Variants in BCL6B observed in about 807,000 individuals in gnomAD.
BCL6B encodes BCL6B transcription repressor.
Under a neutral mutation model 44.6 loss-of-function variants are expected in BCL6B, and 28 were observed. That is an observed-to-expected ratio of 0.63 (90% CI 0.47 to 0.86). BCL6B has a LOEUF of 0.86. Ranked by LOEUF, BCL6B falls within the 40% of genes least tolerant of loss-of-function variation. The probability of loss-of-function intolerance (pLI) is 0.00; values close to 1 mark genes in which losing one functional copy is unlikely to be tolerated. For missense variants in BCL6B, 626 were observed against 652.3 expected (o/e 0.96, Z 0.44); for synonymous variants, 268 against 263.6 (o/e 1.02, Z -0.16).
rs562363974 is a variant in BCL6B at position 7,028,283 on chromosome 17, C to T, written c.*664C>T. On this transcript the variant is annotated 3_prime_UTR_variant, in exon 9 of 9. Coordinates refer to ENST00000293805, the MANE Select transcript of BCL6B (RefSeq NM_181844.4). ...GTTCTAGGGCAGCTCTGGGAACATG[C>T]GGGATTGTGGAATTGGGTCAGGAAC... The T allele has an allele frequency of 2.0e-4, 202 of 985,384 alleles. No individual in the cohort carries two copies. The South Asian group carries it at 4.6e-3, about 22-fold the overall frequency. The allele number at this position is 985,384 out of a possible 1,614,324, so 61.0% of individuals were successfully genotyped here. A position where few individuals can be genotyped will look rare whatever the true frequency, so the allele number is the denominator to read the frequency against.
Position 7,026,313 on chromosome 17 carries a change from C to A in BCL6B, c.890-144C>A. ...CTCATCTTACTATCTTCTTACTTGG[C>A]CTTGAGCAAGTCAAACCAGCCCCAG... is the stretch of plus-strand genomic sequence containing the variant. On this transcript the variant is annotated intron_variant, in intron 5 of 8. Transcript: ENST00000293805. 7 of 1,056,620 alleles carry A rather than the reference C, an allele frequency of 6.6e-6. No individual in the cohort carries two copies. The Middle Eastern group carries it at 7.5e-4, about 112-fold the overall frequency. 65.5% of individuals were successfully genotyped at this position (1,056,620 alleles called of 1,614,324 possible).
chr17:7,023,791 C>T lies in BCL6B; in HGVS notation c.120C>T (p.Val40=). 6.2e-7 allele frequency: 1 copy of T among 1,613,324 alleles called. No homozygotes were observed. The highest frequency in any genetic ancestry group is 8.5e-7 in the Non-Finnish European group (1 of 1,180,006). The part of the protein sequence containing the change: ...ELRLRGILTD[V]TLLVGGQPLR... Reference sequence around the variant, plus strand: ...GCCTGCGCGGGATCCTCACTGACGTCACGCTGCTGGTTGGCGGGCAACCCC... The same window carrying T: ...GCCTGCGCGGGATCCTCACTGACGTTACGCTGCTGGTTGGCGGGCAACCCC... Residue 40 remains valine, a synonymous_variant, in exon 2 of 9, where the codon GTC becomes GTT. Transcript: ENST00000293805.
intron 8 of BCL6B, 139 bp downstream of exon 8, chr17:7,027,226 G>A (rs1485539449): frequency 8.1e-7 from 1 of 1,237,834 alleles, no homozygotes; most frequent in East Asian, 2.5e-5. Context: ...AGCAAATAAG[G>A]GGTGGAGGCT....
Position 7,025,129 on chromosome 17 carries a change from C to G in BCL6B, c.818C>G (p.Thr273Ser). The stretch of plus-strand genomic sequence containing the variant: ...TTCAAATGTGGGGCTCCAGCCAGTA[C>G]CCCCTACCTCCTCACATCCCAGGCT... ...VQFKCGAPASTPYLLTSQAQD... is the reference protein window; with the variant it reads ...VQFKCGAPASSPYLLTSQAQD... The change falls in exon 5 of 9, where the codon ACC becomes AGC. Residue 273 changes from threonine to serine, a missense_variant. By Grantham distance (58) the Thr-to-Ser change is moderately conservative. Transcript: ENST00000293805. 6.2e-7 allele frequency: 1 copy of G among 1,614,076 alleles called. No individual in the cohort carries two copies. Among genetic ancestry groups the G allele is most frequent in the Non-Finnish European group, 8.5e-7 (1 of 1,179,964 alleles).
At position 7,024,986 on chromosome 17, in the gene BCL6B, G is replaced by A. The variant is rs1309666483; in HGVS notation, c.765-90G>A. On this transcript the variant is annotated intron_variant, in intron 4 of 8. Transcript: ENST00000293805. The surrounding 1 kb of genome is among the most constrained non-coding windows in gnomAD (Gnocchi z 6.6). ...CAACAATATTGGCTCACCCTGAGAG[G>A]GCAGGCCTTTGGCTCCAAATTTCCC... 5.8e-6 allele frequency: 9 copies of A among 1,549,026 alleles called. No individual in the cohort carries two copies. The highest frequency in any genetic ancestry group is 7.9e-6 in the Non-Finnish European group (9 of 1,145,790).
Position 7,026,564 on chromosome 17 carries a change from T to G in BCL6B, c.997T>G (p.Cys333Gly). The G allele has an allele frequency of 6.2e-7, 1 of 1,614,214 alleles. No individual in the cohort carries two copies. Among genetic ancestry groups the G allele is most frequent in the Admixed American group, 1.7e-5 (1 of 60,022 alleles). The change falls in exon 6 of 9, where the codon TGC (cysteine) becomes GGC (glycine). Residue 333 changes from cysteine (C) to glycine (G), a missense_variant. By Grantham distance (159) the Cys-to-Gly change is radical (BLOSUM62 -3). Transcript: ENST00000293805. ...DEDKPYKCQLCRSSFRYKGNL... is the reference protein window; with the variant it reads ...DEDKPYKCQLGRSSFRYKGNL... The stretch of plus-strand genomic sequence containing the variant: ...AGACAAACCCTATAAGTGTCAGCTG[T>G]GCCGGTCTTCGTTCCGCTACAAGGG...
chr17:7,025,771 A>T (rs1227712679), intron 5 of BCL6B, among the ~76,000 whole-genome samples: 4 of 138,218 alleles, frequency 2.9e-5, no homozygotes, highest in Non-Finnish European at 6.2e-5. Flanking sequence ...CGGGAGGTGG[A>T]GATTGCAGTG....
rs528908483 is a variant in BCL6B, at chr17:7,026,363, C to G, written c.890-94C>G. ...GAAGTCTTAACAATAAATTGGGAAA[C>G]AGAAAGCCTGCTACTGTGTGGTTTG... On this transcript the variant is annotated intron_variant, in intron 5 of 8. Coordinates refer to ENST00000293805, the MANE Select transcript of BCL6B (RefSeq NM_181844.4). 6.9e-4 allele frequency: 1,021 copies of G among 1,474,060 alleles called. 3 individuals carry two copies. The highest frequency in any genetic ancestry group is 7.9e-4 in the Non-Finnish European group (861 of 1,088,824). 91.3% of individuals were successfully genotyped at this position (1,474,060 alleles called of 1,614,324 possible).
rs202178963 is a variant in BCL6B at position 7,024,131 on chromosome 17, C to G, written c.228C>G (p.Asp76Glu). The change falls in exon 3 of 9, where the codon GAC (aspartate) becomes GAG (glutamate). Residue 76 changes from aspartate to glutamate, a missense_variant. Transcript: ENST00000293805. This position sits in a 1 kb window ranked among gnomAD's most constrained non-coding sequence, Gnocchi z 6.6. Reference sequence around the variant, plus strand: ...GGGGCCGTGCGGGAGTCGGGGTGGACGTGCTCTCTCTGCCCGGGGGTCCCG... The same window carrying G: ...GGGGCCGTGCGGGAGTCGGGGTGGAGGTGCTCTCTCTGCCCGGGGGTCCCG... ...IFRGRAGVGV[D>E]VLSLPGGPEA... 1.7e-4 allele frequency: 267 copies of G among 1,614,010 alleles called. 1 individual carries two copies. In the African/African-American group the frequency reaches 3.3e-3, roughly 20 times the overall value.
At chr17:7,026,892 C>A (rs753783380) in intron 7 of BCL6B, 57 bp downstream of exon 7, 236 of 1,610,686 alleles carry the variant, frequency 1.5e-4, no homozygotes, top group Non-Finnish European at 1.9e-4. Context: ...GTGGGGTGGG[C>A]CAATAGGGAG....
chr17:7,024,855 AGGTGGTG>A lies in BCL6B; in HGVS notation c.764+96_764+102del. On this transcript the variant is annotated intron_variant, in intron 4 of 8. Coordinates refer to ENST00000293805, the MANE Select transcript of BCL6B (RefSeq NM_181844.4). The surrounding 1 kb of genome is among the most constrained non-coding windows in gnomAD (Gnocchi z 6.6). ...CTTGATGGTCAGGAGGAAGGGAGAT[AGGTGGTG>A]GGTTTCAGAGACACTAGCTCACCTT... 6.7e-7 allele frequency: 1 copy of A among 1,488,302 alleles called. No homozygotes were observed. The highest frequency in any genetic ancestry group is 8.9e-7 in the Non-Finnish European group (1 of 1,121,386). The allele number at this position is 1,488,302 out of a possible 1,614,324, so 92.2% of individuals were successfully genotyped here.
In BCL6B at chr17:7,028,497, T is replaced by TGTGGGTGTGG; in HGVS notation, c.*879_*880insTGGGTGTGGG. 6 of 985,334 alleles carry TGTGGGTGTGG rather than the reference T, an allele frequency of 6.1e-6. No individual in the cohort carries two copies. Among genetic ancestry groups the TGTGGGTGTGG allele is most frequent in the Non-Finnish European group, 7.2e-6 (6 of 829,792 alleles). The allele number at this position is 985,334 out of a possible 1,614,324, so 61.0% of individuals were successfully genotyped here. The stretch of plus-strand genomic sequence containing the variant: ...ATTCCGTATCACTCCAAGTGGAGGC[T>TGTGGGTGTGG]GGCAGGTTTTTCTGCAAGATGGTCC... On this transcript the variant is annotated 3_prime_UTR_variant, in exon 9 of 9. Transcript: ENST00000293805.
rs759553960 is a variant in BCL6B at position 7,025,111 on chromosome 17, G to A, written c.800G>A (p.Cys267Tyr). 6 of 1,613,918 alleles carry A rather than the reference G, an allele frequency of 3.7e-6. No individual in the cohort carries two copies. In the South Asian group the frequency reaches 6.6e-5, roughly 18 times the overall value. ...SPTAATVQFK[C>Y]GAPASTPYLL... is the part of the protein sequence containing the mutation. ...ACTGCTGCCACTGTGCAGTTCAAAT[G>A]TGGGGCTCCAGCCAGTACCCCCTAC... is the stretch of plus-strand genomic sequence containing the variant. Residue 267 changes from cysteine (C) to tyrosine (Y), a missense_variant, in exon 5 of 9, where the codon TGT becomes TAT. Cys to Tyr is a radical substitution (Grantham distance 194). Coordinates refer to ENST00000293805, the MANE Select transcript of BCL6B (RefSeq NM_181844.4).
chr17:7,027,080 C>G lies in BCL6B; in HGVS notation c.1316C>G (p.Pro439Arg). 6.2e-7 allele frequency: 1 copy of G among 1,614,006 alleles called. No individual in the cohort carries two copies. The highest frequency in any genetic ancestry group is 8.5e-7 in the Non-Finnish European group (1 of 1,180,030). Residue 439 changes from proline to arginine, a missense_variant, in exon 8 of 9, where the codon CCT (proline) becomes CGT (arginine). By Grantham distance (103) the Pro-to-Arg change is moderately radical (BLOSUM62 -2). Transcript: ENST00000293805. ...GTTCGCATCCACACCGGAGAGAAGC[C>G]TTACCACGTGGGTACCCAACCTGGC... is the stretch of plus-strand genomic sequence containing the variant. ...SHVRIHTGEK[P>R]YHCDPCGLHF...
chr17:7,028,635 G>A lies in BCL6B; in HGVS notation c.*1016G>A. Reference sequence around the variant, plus strand: ...TGGAGTCCATCATCCTCCCACGGGGGCCTGTTCTTAGCACTGAGTTGATCG... The same window carrying A: ...TGGAGTCCATCATCCTCCCACGGGGACCTGTTCTTAGCACTGAGTTGATCG... On this transcript the variant is annotated 3_prime_UTR_variant, in exon 9 of 9. Transcript: ENST00000293805. The A allele has an allele frequency of 4.8e-5, 47 of 985,422 alleles. No homozygotes were observed. Among genetic ancestry groups the A allele is most frequent in the Non-Finnish European group, 5.5e-5 (46 of 829,936 alleles). The allele number at this position is 985,422 out of a possible 1,614,324, so 61.0% of individuals were successfully genotyped here.
intron 2 of BCL6B, 40 bp downstream of exon 2, chr17:7,023,890 G>A (rs760805157): frequency 7.5e-6 from 12 of 1,600,836 alleles, no homozygotes; most frequent in African/African-American, 4.0e-5. Flanking sequence ...AAATGGGAAA[G>A]GGGTGGGACC....
intron 5 of BCL6B, among the ~76,000 whole-genome samples, chr17:7,025,484 C>A (rs890392531): frequency 1.3e-5 from 2 of 152,144 alleles, no homozygotes; most frequent in Non-Finnish European, 2.9e-5. Flanking sequence ...GAATGGTCAG[C>A]CCAAAGCTTG....
At chr17:7,027,178 T>C in intron 8 of BCL6B, 91 bp downstream of exon 8, 1 of 1,509,770 alleles carries the variant, frequency 6.6e-7, no homozygotes, top group Non-Finnish European at 9.0e-7. Flanking sequence ...TGGCTGTCCC[T>C]AGATCTCTTA....
Position 7,024,894 on chromosome 17 carries a change from C to A in BCL6B, c.764+131C>A, listed in dbSNP as rs1402588650. 6.8e-7 allele frequency: 1 copy of A among 1,461,360 alleles called. No individual in the cohort carries two copies. The allele number at this position is 1,461,360 out of a possible 1,614,324, so 90.5% of individuals were successfully genotyped here. A position where few individuals can be genotyped will look rare whatever the true frequency, so the allele number is the denominator to read the frequency against. ...AGAGACACTAGCTCACCTTAAGGAG[C>A]TGGCCAGAGACCAGGTTTATTCAGC... On this transcript the variant is annotated intron_variant, in intron 4 of 8. Coordinates refer to ENST00000293805, the MANE Select transcript of BCL6B (RefSeq NM_181844.4). The surrounding 1 kb of genome is among the most constrained non-coding windows in gnomAD (Gnocchi z 6.6).
Sources: gnomAD v4.1 joint callset for allele counts (sites outside exome capture counted in the v4.1 genomes callset) on GRCh38, gnomAD v4.1.1 for gene constraint, Gnocchi (gnomAD v3.1) non-coding constraint, MANE v1.5 for transcripts, NCBI Gene and HGNC (gene_info 2026-07-23, HGNC 2026-07-21) for gene names.